Variants in ZBTB46 observed in about 807,000 individuals in gnomAD.
The protein encoded by ZBTB46 is zinc finger and BTB domain containing 46.
In ZBTB46, 8 loss-of-function variants were observed where a neutral mutation model predicts 44.1. The observed-to-expected ratio is 0.18, with a 90% CI of 0.11 to 0.33. ZBTB46 has a LOEUF of 0.33. Among genes scored for constraint, ZBTB46 ranks in the 10% least tolerant of loss-of-function variants. The pLI is 1.00. For missense variants in ZBTB46, 651 were observed against 847.7 expected (o/e 0.77, Z 2.88); for synonymous variants, 409 against 382.3 (o/e 1.07, Z -0.81).
rs61473496 is a variant in ZBTB46, at chr20:63,809,961, C to CAAAA, written c.-33-19175_-33-19172dup. On this transcript the variant is annotated intron_variant, in intron 1 of 4. Transcript: ENST00000245663. ...TGGGTGACACAGCAAGGCCCTCTCTCAAAAAAAAAAAAAGAAAAGAAAACT... is the reference window on the plus strand; with the variant it reads ...TGGGTGACACAGCAAGGCCCTCTCTCAAAAAAAAAAAAAAAAAGAAAAGAAAACT... Among the ~76,000 whole-genome samples the CAAAA allele has an allele frequency of 1.7e-3, 229 of 135,998 alleles. 2 individuals carry two copies. Among genetic ancestry groups the CAAAA allele is most frequent in the African/African-American group, 5.4e-3 (198 of 36,670 alleles). The allele number at this position is 135,998 out of a possible 152,430, so 89.2% of individuals were successfully genotyped here.
chr20:63,762,227 A>T (rs2092283197), intron 3 of ZBTB46, among the ~76,000 whole-genome samples: 1 of 152,200 alleles, frequency 6.6e-6, no homozygotes, highest in Non-Finnish European at 1.5e-5. Context: ...ACTGTGTTCA[A>T]ATATTCTCTA....
Position 63,745,110 on chromosome 20 carries a change from T to G in ZBTB46, c.*1820A>C, listed in dbSNP as rs2145731883. The G allele has an allele frequency of 6.6e-6, 1 of 152,474 alleles. No homozygotes were observed. Among genetic ancestry groups the G allele is most frequent in the African/African-American group, 2.4e-5 (1 of 41,556 alleles). 9.4% of individuals were successfully genotyped at this position (152,474 alleles called of 1,614,324 possible). On this transcript the variant is annotated 3_prime_UTR_variant, in exon 5 of 5. Transcript: ENST00000245663. ...CTGCAGCTCCCTGGTAGCCATGCTCTCCCCCTGGGGGACTCGTGCCAGAGC... is the reference window on the plus strand; with the variant it reads ...CTGCAGCTCCCTGGTAGCCATGCTCGCCCCCTGGGGGACTCGTGCCAGAGC...
At chr20:63,813,371 C>T (rs797019046) in intron 1 of ZBTB46, among the ~76,000 whole-genome samples, 8 of 151,930 alleles carry the variant, frequency 5.3e-5, no homozygotes, top group African/African-American at 1.9e-4. Context: ...ATCACTTGAA[C>T]CCAGGAGGCA....
At chr20:63,786,196 T>G in intron 2 of ZBTB46, among the ~76,000 whole-genome samples, 2 of 152,260 alleles carry the variant, frequency 1.3e-5, no homozygotes, top group South Asian at 4.1e-4. Context: ...CTTCTCAGAT[T>G]TTAGTTGGAG....
intron 3 of ZBTB46, among the ~76,000 whole-genome samples, chr20:63,771,574 T>A (rs891980210): frequency 1.3e-5 from 2 of 152,162 alleles, no homozygotes; most frequent in African/African-American, 4.8e-5. Context: ...CCGTGAACTC[T>A]GAGGCGCTCC....
chr20:63,779,406 ATTTTTTTTTTTTTTTTTT>A (rs59166121), intron 2 of ZBTB46, among the ~76,000 whole-genome samples: 4 of 105,578 alleles, frequency 3.8e-5, no homozygotes, highest in African/African-American at 1.6e-4. Flanking sequence ...ACGCCGGCTA[ATTTTTTTTTTTTTTTTTT>A]TTTTTTTTTT....
intron 1 of ZBTB46, among the ~76,000 whole-genome samples, chr20:63,818,500 A>C (rs1443192011): frequency 6.6e-6 from 1 of 152,218 alleles, no homozygotes; most frequent in African/African-American, 2.4e-5. Context: ...CCACAGCTCC[A>C]GCCAACACCT....
At chr20:63,809,347 T>C (rs6011138) in intron 1 of ZBTB46, among the ~76,000 whole-genome samples, 27,016 of 152,122 alleles carry the variant, frequency 0.18, 2,919 homozygotes, top group East Asian at 0.45. Flanking sequence ...GCTGGGGTGG[T>C]GGCCCCACAT....
intron 4 of ZBTB46, among the ~76,000 whole-genome samples, chr20:63,748,901 C>T (rs919014819): frequency 6.6e-6 from 1 of 152,250 alleles, no homozygotes; most frequent in Non-Finnish European, 1.5e-5. Flanking sequence ...GGTCCTGCTA[C>T]ACTTGCAAAG....
At chr20:63,755,671 T>C (rs2092214308) in intron 3 of ZBTB46, among the ~76,000 whole-genome samples, 1 of 152,126 alleles carries the variant, frequency 6.6e-6, no homozygotes, top group Non-Finnish European at 1.5e-5. Flanking sequence ...TTGAGGGAAT[T>C]TCACTGGCTG....
chr20:63,775,943 G>A lies in ZBTB46; in HGVS notation c.957C>T (p.Thr319=), dbSNP rs757726466. 22 of 1,576,332 alleles carry A rather than the reference G, an allele frequency of 1.4e-5. No individual in the cohort carries two copies. The highest frequency in any genetic ancestry group is 7.1e-5 in the Admixed American group (4 of 56,010). Residue 319 remains threonine, a synonymous_variant, in exon 3 of 5, where the codon ACC becomes ACT. Coordinates refer to ENST00000245663, the MANE Select transcript of ZBTB46 (RefSeq NM_001369741.1). Reference sequence around the variant, plus strand: ...CTCGGCTGTCGGAGCTGCTGGCTTCGGTGACGGACAGGTCCGCATCTGGGG... The same window carrying A: ...CTCGGCTGTCGGAGCTGCTGGCTTCAGTGACGGACAGGTCCGCATCTGGGG... ...SRDSNADLSV[T]EASSSDSRGE...
At chr20:63,774,677 T>TGG (rs33994640) in intron 3 of ZBTB46, among the ~76,000 whole-genome samples, 3 of 31,624 alleles carry the variant, frequency 9.5e-5, no homozygotes, top group Admixed American at 4.3e-4. Flanking sequence ...GGCTGGGGGC[T>TGG]GGCTGCGGTG....
chr20:63,770,062 TA>T (rs2092353985), intron 3 of ZBTB46, among the ~76,000 whole-genome samples: 1 of 152,100 alleles, frequency 6.6e-6, no homozygotes, highest in South Asian at 2.1e-4. Flanking sequence ...CTTGACTCTT[TA>T]AAAGAGTGAG....
At chr20:63,785,164 G>C (rs1376175734) in intron 2 of ZBTB46, among the ~76,000 whole-genome samples, 1 of 150,722 alleles carries the variant, frequency 6.6e-6, no homozygotes, top group East Asian at 1.9e-4. Flanking sequence ...CCTGGGAGGT[G>C]GAGGTTGCGG....
At chr20:63,820,838 C>T (rs2092787846) in intron 1 of ZBTB46, among the ~76,000 whole-genome samples, 1 of 152,150 alleles carries the variant, frequency 6.6e-6, no homozygotes, top group Admixed American at 6.6e-5. Context: ...AAGCGATTCT[C>T]CTGCCTCATC....
chr20:63,746,995 C>G lies in ZBTB46; in HGVS notation c.1705G>C (p.Glu569Gln). The G allele has an allele frequency of 1.2e-6, 2 of 1,607,690 alleles. No homozygotes were observed. Among genetic ancestry groups the G allele is most frequent in the Admixed American group, 3.3e-5 (2 of 59,958 alleles). The change falls in exon 5 of 5, where the codon GAA (glutamate) becomes CAA (glutamine). Residue 569 changes from glutamate (E) to glutamine (Q), a missense_variant. Coordinates refer to ENST00000245663, the MANE Select transcript of ZBTB46 (RefSeq NM_001369741.1). ...DALLADDKDE[E>Q]DSPRPRSPPG... The stretch of plus-strand genomic sequence containing the variant: ...GGGCTGCGCGGCCGCGGCGAGTCTT[C>G]CTCATCCTTGTCGTCCGCCAACAGC...
intron 1 of ZBTB46, among the ~76,000 whole-genome samples, chr20:63,816,128 G>A (rs1288966094): frequency 3.1e-5 from 3 of 97,986 alleles, no homozygotes; most frequent in African/African-American, 9.3e-5. Flanking sequence ...GCAGGTGGGC[G>A]CAGGTGCAGT....
chr20:63,785,239 A>AAAG (rs55831819), intron 2 of ZBTB46, among the ~76,000 whole-genome samples: 1 of 117,552 alleles, frequency 8.5e-6, no homozygotes, highest in Non-Finnish European at 1.8e-5. Flanking sequence ...AAAAAAAAAA[A>AAAG]GAAAAGAAAA....
intron 3 of ZBTB46, among the ~76,000 whole-genome samples, chr20:63,764,478 A>G (rs959608702): frequency 6.6e-6 from 1 of 151,926 alleles, no homozygotes; most frequent in Non-Finnish European, 1.5e-5. Flanking sequence ...TTGGGTATAG[A>G]GTTCCAGGTT....
Sources: gnomAD v4.1 joint callset for allele counts (sites outside exome capture counted in the v4.1 genomes callset) on GRCh38, gnomAD v4.1.1 for gene constraint, MANE v1.5 for transcripts, NCBI Gene and HGNC (gene_info 2026-07-23, HGNC 2026-07-21) for gene names.